Variants in MGAT4C observed in about 807,000 individuals in gnomAD.
The protein encoded by MGAT4C is MGAT4 family member C.
MGAT4C carries 19 observed loss-of-function variants against 40.1 expected under a neutral mutation model. The ratio of observed to expected loss-of-function variants is 0.47; its 90% CI spans 0.33 to 0.70. The LOEUF is 0.70. MGAT4C is among the 30% of genes least tolerant of loss of function. The pLI is 0.02. For missense variants in MGAT4C, 491 were observed against 563.2 expected, an observed-to-expected ratio of 0.87 and a Z score of 1.30; for synonymous variants, 181 against 187.1, an observed-to-expected ratio of 0.97 and a Z score of 0.27.
intron 4 of MGAT4C, among the ~76,000 whole-genome samples, chr12:86,306,066 A>AT (rs953428743): frequency 4.0e-5 from 6 of 150,646 alleles, no homozygotes; most frequent in African/African-American, 1.5e-4. Context: ...ATTCATATTG[A>AT]TTAGGTAAGA....
chr12:86,775,655 A>G (rs1488541907), intron 1 of MGAT4C, among the ~76,000 whole-genome samples: 1 of 146,704 alleles, frequency 6.8e-6, no homozygotes, highest in African/African-American at 2.4e-5. Flanking sequence ...GAAGGGGGTT[A>G]AAAAAAAGGT....
At chr12:86,387,019 T>C (rs909661734) in intron 3 of MGAT4C, among the ~76,000 whole-genome samples, 1 of 152,196 alleles carries the variant, frequency 6.6e-6, no homozygotes. Context: ...GCCATATGTA[T>C]TCCTTATTTT....
intron 4 of MGAT4C, among the ~76,000 whole-genome samples, chr12:86,281,536 A>G (rs185641504): frequency 2.7e-4 from 41 of 152,032 alleles, no homozygotes; most frequent in African/African-American, 9.2e-4. Flanking sequence ...GAAGACTTTT[A>G]TATTTAATTT....
chr12:86,690,585 C>T (rs1279404434), intron 2 of MGAT4C, among the ~76,000 whole-genome samples: 1 of 152,164 alleles, frequency 6.6e-6, no homozygotes, highest in Non-Finnish European at 1.5e-5. Context: ...TGACCCCTTG[C>T]ACTTCCTGAG....
chr12:86,388,874 T>C lies in MGAT4C; in HGVS notation c.-120+46283A>G, dbSNP rs915835517. Among the ~76,000 whole-genome samples the C allele has an allele frequency of 3.3e-5, 5 of 151,692 alleles. No individual in the cohort carries two copies. The Middle Eastern group carries it at 0.014, about 413-fold the overall frequency. On this transcript the variant is annotated intron_variant, in intron 3 of 7. Transcript: ENST00000548651. The stretch of plus-strand genomic sequence containing the variant: ...TTTTTTTGTATTTTTAGTAAAGACA[T>C]GGTTTCACCATGTTGGCCAGGCTGG...
At chr12:86,318,637 CA>C (rs1291243852) in intron 4 of MGAT4C, among the ~76,000 whole-genome samples, 2 of 151,958 alleles carry the variant, frequency 1.3e-5, no homozygotes, top group African/African-American at 4.8e-5. Context: ...AAGTCATGAA[CA>C]AAAAAGTCCT....
chr12:86,758,079 C>T (rs1951336899), intron 1 of MGAT4C, among the ~76,000 whole-genome samples: 1 of 152,116 alleles, frequency 6.6e-6, no homozygotes, highest in Non-Finnish European at 1.5e-5. Flanking sequence ...CCATGGGACA[C>T]TTTACATTTT....
intron 1 of MGAT4C, among the ~76,000 whole-genome samples, chr12:86,217,722 T>C (rs144429681): frequency 3.0e-4 from 46 of 152,290 alleles, no homozygotes; most frequent in Middle Eastern, 6.8e-3. Flanking sequence ...TATGCAAATA[T>C]GTAAGGAAGG....
intron 2 of MGAT4C, among the ~76,000 whole-genome samples, chr12:86,678,206 T>C (rs191367733): frequency 6.6e-6 from 1 of 152,192 alleles, no homozygotes; most frequent in Admixed American, 6.6e-5. Flanking sequence ...ATAAACAAGC[T>C]GTTCCTCCAT....
chr12:86,383,907 G>C (rs995861788), intron 3 of MGAT4C, among the ~76,000 whole-genome samples: 11 of 152,272 alleles, frequency 7.2e-5, no homozygotes, highest in Non-Finnish European at 1.3e-4. Flanking sequence ...ATATTGTTTG[G>C]CTGTGCCCCA....
At chr12:86,262,755 C>T (rs1378127039) in intron 4 of MGAT4C, among the ~76,000 whole-genome samples, 1 of 151,932 alleles carries the variant, frequency 6.6e-6, no homozygotes, top group African/African-American at 2.4e-5. Flanking sequence ...TTAAACATCA[C>T]TTGTATTTGA....
chr12:86,503,816 G>T (rs1219122724), intron 2 of MGAT4C, among the ~76,000 whole-genome samples: 4 of 28,786 alleles, frequency 1.4e-4, no homozygotes, highest in East Asian at 2.2e-3. Context: ...ATATATATGA[G>T]TTCTGCTCAA....
At chr12:86,407,964 A>G (rs1001772321) in intron 3 of MGAT4C, among the ~76,000 whole-genome samples, 12 of 152,118 alleles carry the variant, frequency 7.9e-5, no homozygotes, top group Admixed American at 6.6e-5. Context: ...TAATGAAGAT[A>G]AATAGCAATC....
rs115617877 is a variant in MGAT4C, at chr12:86,243,823, C to G, written c.-57+12416G>C. Among the ~76,000 whole-genome samples, 716 of 152,292 alleles carry G rather than the reference C, an allele frequency of 4.7e-3. 3 individuals are homozygous for G. The highest frequency in any genetic ancestry group is 0.017 in the African/African-American group (689 of 41,552). ...CCCATGAATAAAAGACCTATCCAAG[C>G]TGTGTCCATATCACTGGCCCAATGA... On this transcript the variant is annotated intron_variant, in intron 1 of 4. Transcript: ENST00000611864.
chr12:86,529,618 T>C (rs920743772), intron 2 of MGAT4C, among the ~76,000 whole-genome samples: 4 of 152,106 alleles, frequency 2.6e-5, no homozygotes, highest in African/African-American at 9.6e-5. Context: ...TTTTATTGCC[T>C]GCAATCATTC....
chr12:86,305,707 T>C (rs1032578226), intron 4 of MGAT4C, among the ~76,000 whole-genome samples: 1 of 150,546 alleles, frequency 6.6e-6, no homozygotes, highest in Non-Finnish European at 1.5e-5. Context: ...TCCTCCTCTA[T>C]ACTTACGTTT....
chr12:86,803,469 T>A (rs1952274480), intron 1 of MGAT4C, among the ~76,000 whole-genome samples: 1 of 151,644 alleles, frequency 6.6e-6, no homozygotes, highest in Non-Finnish European at 1.5e-5. Flanking sequence ...ACCATCAGAG[T>A]GAACAGGCAA....
chr12:86,837,646 A>T lies in MGAT4C; in HGVS notation c.-262+1020T>A, dbSNP rs543228377. 8.8e-3 allele frequency among the ~76,000 whole-genome samples: 1,338 copies of T among 152,174 alleles called. 19 individuals are homozygous for T. The highest frequency in any genetic ancestry group is 0.031 in the African/African-American group (1,292 of 41,498). ...TTATAGTCATTTTTAACACAGAAAA[A>T]CAGCAACAATATGATAGATTTCATT... On this transcript the variant is annotated intron_variant, in intron 1 of 7. Coordinates refer to the MGAT4C transcript ENST00000548651.
chr12:86,811,336 A>ATTTTTTTTTTTTTTTT (rs553885593), intron 1 of MGAT4C, among the ~76,000 whole-genome samples: 4 of 106,946 alleles, frequency 3.7e-5, no homozygotes, highest in Non-Finnish European at 5.9e-5. Flanking sequence ...CACTCATAGT[A>ATTTTTTTTTTTTTTTT]TTTTTTTTTT....
Sources: allele counts gnomAD v4.1 joint callset (sites outside exome capture counted in the v4.1 genomes callset), GRCh38; gene constraint gnomAD v4.1.1; transcripts MANE v1.5; gene names NCBI Gene and HGNC (gene_info 2026-07-23, HGNC 2026-07-21).